The following DSCAM variants were observed in gnomAD, a reference collection of about 807,000 sequenced individuals.
The protein encoded by DSCAM is cell adhesion molecule DSCAM.
Under a neutral mutation model 217.7 loss-of-function variants are expected in DSCAM, and 47 were observed. That is an observed-to-expected ratio of 0.22 (90% CI 0.17 to 0.28). The LOEUF (loss-of-function observed/expected upper bound fraction) is 0.28, where lower values mean the gene tolerates loss of function less well. Among genes scored for constraint, DSCAM ranks in the 10% least tolerant of loss-of-function variants. The probability of loss-of-function intolerance (pLI) is 1.00; values close to 1 mark genes in which losing one functional copy is unlikely to be tolerated. For synonymous variants in DSCAM, 1,056 were observed against 1,015.3 expected, an observed-to-expected ratio of 1.04 and a Z score of -0.76; for missense variants, 2,080 against 2,618.3, an observed-to-expected ratio of 0.79 and a Z score of 4.49.
chr21:40,296,787 T>C (rs1041432697), intron 9 of DSCAM, among the ~76,000 whole-genome samples: 42 of 130,174 alleles, frequency 3.2e-4, no homozygotes, highest in Non-Finnish European at 6.1e-4. Flanking sequence ...GCTGAGATAA[T>C]GCCATTGCAC....
At chr21:40,605,403 G>A (rs1213005165) in intron 3 of DSCAM, among the ~76,000 whole-genome samples, 2 of 152,090 alleles carry the variant, frequency 1.3e-5, no homozygotes, top group African/African-American at 2.4e-5. Context: ...ATGAGCCCAG[G>A]AGTAATCACT....
chr21:40,339,473 A>G (rs764333672), intron 6 of DSCAM, 58 bp from the exon 7 acceptor site: 120 of 1,461,712 alleles, frequency 8.2e-5, no homozygotes, highest in Non-Finnish European at 1.1e-4. Context: ...AACAACTTCC[A>G]AGTATATGTC....
At chr21:40,176,065 A>C (rs2090726497) in intron 15 of DSCAM, among the ~76,000 whole-genome samples, 1 of 152,008 alleles carries the variant, frequency 6.6e-6, no homozygotes. Context: ...GGCTACTGTC[A>C]GCAAAATCCC....
At chr21:40,617,641 C>G (rs879486739) in intron 3 of DSCAM, among the ~76,000 whole-genome samples, 1 of 152,206 alleles carries the variant, frequency 6.6e-6, no homozygotes, top group Non-Finnish European at 1.5e-5. Context: ...TCATAGTATG[C>G]GTAAGCAGCA....
At chr21:40,722,077 A>G (rs1391044362) in intron 1 of DSCAM, among the ~76,000 whole-genome samples, 1 of 152,142 alleles carries the variant, frequency 6.6e-6, no homozygotes, top group East Asian at 1.9e-4. Flanking sequence ...AAAGCTCTAT[A>G]TGCAGAAAAA....
Position 40,080,210 on chromosome 21 carries a change from T to C in DSCAM, c.4362A>G (p.Gln1454=). 1 of 1,613,022 alleles carries C rather than the reference T, an allele frequency of 6.2e-7. No individual in the cohort carries two copies. Among genetic ancestry groups the C allele is most frequent in the Non-Finnish European group, 8.5e-7 (1 of 1,179,734 alleles). Residue 1454 remains glutamine, a synonymous_variant, in exon 25 of 33, where the codon CAA becomes CAG. Transcript: ENST00000400454. ...GTWYKFTLTA[Q]NGVGPGRISE... ...TTATGCGCCCTGGGCCCACTCCATT[T>C]TGGGCTGTCAGTGTGAACTTATACC...
At chr21:40,558,014 G>C (rs1037659674) in intron 3 of DSCAM, among the ~76,000 whole-genome samples, 2 of 151,266 alleles carry the variant, frequency 1.3e-5, no homozygotes, top group Admixed American at 6.6e-5. Context: ...GCATGTAAAA[G>C]GTTTTCAAAA....
chr21:40,141,044 A>G (rs1241347691), intron 18 of DSCAM, among the ~76,000 whole-genome samples: 1 of 149,430 alleles, frequency 6.7e-6, no homozygotes, highest in Non-Finnish European at 1.5e-5. Context: ...CATGTTAGGG[A>G]CACAGTTAGG....
intron 3 of DSCAM, among the ~76,000 whole-genome samples, chr21:40,479,591 G>T (rs1444935876): frequency 6.6e-6 from 1 of 152,120 alleles, no homozygotes; most frequent in Non-Finnish European, 1.5e-5. Flanking sequence ...GTGTGCAGGG[G>T]AACTTCCCTT....
At chr21:40,811,813 T>G (rs1177280753) in intron 1 of DSCAM, among the ~76,000 whole-genome samples, 1 of 152,156 alleles carries the variant, frequency 6.6e-6, no homozygotes, top group Non-Finnish European at 1.5e-5. Context: ...CTGAGTAGAT[T>G]GCGTTGAAGA....
intron 14 of DSCAM, among the ~76,000 whole-genome samples, chr21:40,185,268 G>A (rs1317231802): frequency 1.3e-5 from 2 of 152,196 alleles, no homozygotes; most frequent in African/African-American, 2.4e-5. Flanking sequence ...GGGAAGGGAG[G>A]ACTCCAGGCA....
chr21:40,262,252 G>T (rs1000798216), intron 11 of DSCAM, among the ~76,000 whole-genome samples: 1 of 152,074 alleles, frequency 6.6e-6, no homozygotes, highest in African/African-American at 2.4e-5. Context: ...AAGAGGGTGG[G>T]AAATCTAACC....
intron 20 of DSCAM, among the ~76,000 whole-genome samples, chr21:40,121,975 G>A (rs397565): frequency 0.31 from 47,358 of 151,872 alleles, 9,118 homozygotes; most frequent in South Asian, 0.52. Context: ...ACAGGCGTGA[G>A]CCACCGTGCC....
intron 3 of DSCAM, among the ~76,000 whole-genome samples, chr21:40,380,693 C>A (rs1318022264): frequency 6.6e-6 from 1 of 152,040 alleles, no homozygotes; most frequent in African/African-American, 2.4e-5. Flanking sequence ...GAGCTAAGAA[C>A]AAGGTTAAAG....
At chr21:40,259,299 G>A (rs1163858268) in intron 11 of DSCAM, among the ~76,000 whole-genome samples, 2 of 150,946 alleles carry the variant, frequency 1.3e-5, no homozygotes, top group East Asian at 1.9e-4. Flanking sequence ...TACCCCAGCA[G>A]TGTCATGGAG....
chr21:40,448,300 A>G (rs979935916), intron 3 of DSCAM, among the ~76,000 whole-genome samples: 1 of 152,184 alleles, frequency 6.6e-6, no homozygotes, highest in Admixed American at 6.5e-5. Context: ...TAGAACAAAA[A>G]CATAGAGGAA....
intron 20 of DSCAM, among the ~76,000 whole-genome samples, chr21:40,119,552 A>G (rs1243412718): frequency 6.6e-6 from 1 of 152,188 alleles, no homozygotes; most frequent in African/African-American, 2.4e-5. Context: ...TTATAAGAAC[A>G]GATTCAATGA....
intron 1 of DSCAM, among the ~76,000 whole-genome samples, chr21:40,785,619 C>T (rs1159097646): frequency 6.6e-6 from 1 of 152,218 alleles, no homozygotes; most frequent in Admixed American, 6.5e-5. Flanking sequence ...TCCCGCCAAC[C>T]TCTGGGATGT....
At chr21:40,325,742 C>G (rs2074310331) in intron 8 of DSCAM, among the ~76,000 whole-genome samples, 1 of 152,156 alleles carries the variant, frequency 6.6e-6, no homozygotes, top group African/African-American at 2.4e-5. Context: ...TTACATCAAT[C>G]AGCTTTGTCA....
Sources: allele counts gnomAD v4.1 joint callset (sites outside exome capture counted in the v4.1 genomes callset), GRCh38; gene constraint gnomAD v4.1.1; transcripts MANE v1.5; gene names NCBI Gene and HGNC (gene_info 2026-07-23, HGNC 2026-07-21).